The following DAB1 variants were observed in gnomAD, a reference collection of about 807,000 sequenced individuals.
DAB1 encodes DAB adaptor protein 1, also known as disabled homolog 1.
DAB1 carries 15 observed loss-of-function variants against 64.6 expected under a neutral mutation model. The observed-to-expected ratio is 0.23, with a 90% CI of 0.16 to 0.36. The LOEUF (loss-of-function observed/expected upper bound fraction) is 0.36. Ranked by LOEUF, DAB1 falls within the 10% of genes least tolerant of loss-of-function variation. The pLI, the probability that DAB1 is intolerant of heterozygous loss-of-function variation, is 1.00. For missense variants in DAB1, 596 were observed against 706.7 expected (o/e 0.84, Z 1.78); for synonymous variants, 235 against 251.9 (o/e 0.93, Z 0.64).
At chr1:58,506,055 C>A in intron 3 of DAB1, 1 of 861,728 alleles carries the variant, frequency 1.2e-6, no homozygotes, top group Non-Finnish European at 2.0e-6. Flanking sequence ...ACGGTGTCAG[C>A]TCACCTGAGG....
chr1:58,250,444 G>T (rs568785905), intron 4 of DAB1, among the ~76,000 whole-genome samples: 1 of 152,240 alleles, frequency 6.6e-6, no homozygotes, highest in Non-Finnish European at 1.5e-5. Flanking sequence ...TAGTGGCGGT[G>T]GCAGCAGAGG....
At chr1:57,945,144 C>T (rs1645165531) in intron 5 of DAB1, among the ~76,000 whole-genome samples, 1 of 152,154 alleles carries the variant, frequency 6.6e-6, no homozygotes, top group Non-Finnish European at 1.5e-5. Flanking sequence ...AACATCTATT[C>T]TCTAGCCTAA....
chr1:58,305,073 C>A (rs897000545), intron 4 of DAB1, among the ~76,000 whole-genome samples: 3 of 152,172 alleles, frequency 2.0e-5, no homozygotes, highest in Non-Finnish European at 4.4e-5. Context: ...ACACTACAGT[C>A]TTGAACTCCT....
At chr1:58,210,227 A>G (rs1658487627) in intron 4 of DAB1, among the ~76,000 whole-genome samples, 1 of 152,194 alleles carries the variant, frequency 6.6e-6, no homozygotes, top group African/African-American at 2.4e-5. Flanking sequence ...CCATAGCTGA[A>G]GTCTGTTACC....
rs566810585 is a variant in DAB1 at position 57,355,275 on chromosome 1, AC to A, written c.-136-64110del. On this transcript the variant is annotated intron_variant, in intron 1 of 14. Transcript: ENST00000371236. ...ATTAAATTCCTTTCCTTCCTGGCATACATTTTTTTTTCCATCCTTGGTTCTT... is the reference window on the plus strand; with the variant it reads ...ATTAAATTCCTTTCCTTCCTGGCATAATTTTTTTTTCCATCCTTGGTTCTT... 6.6e-3 allele frequency among the ~76,000 whole-genome samples: 984 copies of A among 149,388 alleles called. 14 individuals carry two copies. The highest frequency in any genetic ancestry group is 0.023 in the African/African-American group (937 of 40,500).
chr1:57,015,201 G>T lies in DAB1; in HGVS notation c.1126C>A (p.Pro376Thr). Residue 376 changes from proline (P) to threonine (T), a missense_variant, in exon 12 of 15, where the codon CCA becomes ACA. By Grantham distance (38) the Pro-to-Thr change is conservative. Coordinates refer to ENST00000371236, the MANE Select transcript of DAB1 (RefSeq NM_001365792.1). ...FMPTQTVMPL[P>T]AAMFQGPLTP... is the part of the protein sequence containing the mutation. ...AGGGGACCTTGGAACATGGCAGCTG[G>T]CAAAGGCATAACAGTTTGTGTGGGC... 6.2e-7 allele frequency: 1 copy of T among 1,614,062 alleles called. No homozygotes were observed. The highest frequency in any genetic ancestry group is 8.5e-7 in the Non-Finnish European group (1 of 1,179,982).
rs143800339 is a variant in DAB1 at position 57,174,681 on chromosome 1, C to T, written c.68-29252G>A. Among the ~76,000 whole-genome samples the T allele has an allele frequency of 2.1e-3, 319 of 152,268 alleles. 8 individuals carry two copies. Among genetic ancestry groups the T allele is most frequent in the Admixed American group, 0.017 (257 of 15,274 alleles). On this transcript the variant is annotated intron_variant, in intron 2 of 14. Transcript: ENST00000371236. Reference sequence around the variant, plus strand: ...TACAGGAGAAGGTCTGTTAGGCTCACCACTGCTTTGGATTGACCCCCACTC... The same window carrying T: ...TACAGGAGAAGGTCTGTTAGGCTCATCACTGCTTTGGATTGACCCCCACTC...
chr1:57,702,037 G>A (rs1211806965), intron 6 of DAB1, among the ~76,000 whole-genome samples: 2 of 152,254 alleles, frequency 1.3e-5, no homozygotes, highest in South Asian at 2.1e-4. Context: ...AGGAGGCCAT[G>A]GTTCCCTGTT....
intron 7 of DAB1, among the ~76,000 whole-genome samples, chr1:57,550,213 A>G (rs1644899305): frequency 6.6e-6 from 1 of 152,200 alleles, no homozygotes; most frequent in Admixed American, 6.5e-5. Context: ...TAGAACAAGC[A>G]TGGTACTGAG....
intron 7 of DAB1, among the ~76,000 whole-genome samples, chr1:57,608,294 G>C (rs1645682050): frequency 6.6e-6 from 1 of 152,010 alleles, no homozygotes; most frequent in African/African-American, 2.4e-5. Context: ...TGAAAAGTAA[G>C]ATCACCTCCA....
At chr1:57,541,732 T>A in intron 7 of DAB1, among the ~76,000 whole-genome samples, 1 of 152,158 alleles carries the variant, frequency 6.6e-6, no homozygotes, top group East Asian at 1.9e-4. Context: ...AACAAGGTAA[T>A]GAACATTTGT....
chr1:57,819,507 G>A (rs926431232), intron 6 of DAB1, among the ~76,000 whole-genome samples: 4 of 152,182 alleles, frequency 2.6e-5, no homozygotes, highest in African/African-American at 9.7e-5. Flanking sequence ...ATAAACTAAT[G>A]ATAGTAGCTA....
intron 4 of DAB1, among the ~76,000 whole-genome samples, chr1:58,180,281 C>CTTTTTTTTTTTT (rs869204611): frequency 2.3e-4 from 14 of 61,034 alleles, no homozygotes; most frequent in African/African-American, 5.7e-4. Flanking sequence ...TTTTTCTTTT[C>CTTTTTTTTTTTT]TTTTTTTTTT....
intron 2 of DAB1, among the ~76,000 whole-genome samples, chr1:58,519,736 T>A (rs1367815225): frequency 6.6e-6 from 1 of 151,840 alleles, no homozygotes; most frequent in Admixed American, 6.6e-5. Context: ...TTAAGAAACA[T>A]GAATTTTTAA....
intron 4 of DAB1, among the ~76,000 whole-genome samples, chr1:57,108,432 C>T (rs1324174478): frequency 1.3e-5 from 2 of 152,180 alleles, no homozygotes; most frequent in African/African-American, 2.4e-5. Context: ...TAGGATGTTA[C>T]CCTGCACGTC....
At chr1:57,339,071 G>C (rs1395884601) in intron 1 of DAB1, among the ~76,000 whole-genome samples, 1 of 151,846 alleles carries the variant, frequency 6.6e-6, no homozygotes, top group East Asian at 1.9e-4. Flanking sequence ...CTCAGGACAT[G>C]TCTGTTACTG....
At chr1:58,166,355 T>C (rs1461468650) in intron 4 of DAB1, among the ~76,000 whole-genome samples, 3 of 152,194 alleles carry the variant, frequency 2.0e-5, no homozygotes, top group Non-Finnish European at 2.9e-5. Flanking sequence ...ACCACTAATC[T>C]ACCTTCTGTC....
chr1:57,271,572 C>T (rs1671003341), intron 2 of DAB1, among the ~76,000 whole-genome samples: 1 of 152,136 alleles, frequency 6.6e-6, no homozygotes. Context: ...GGTTCCCATC[C>T]CTGCCCTCAG....
chr1:57,412,458 C>T (rs1684184239), intron 1 of DAB1, among the ~76,000 whole-genome samples: 1 of 152,200 alleles, frequency 6.6e-6, no homozygotes, highest in South Asian at 2.1e-4. Flanking sequence ...AGGAAAAGAT[C>T]TCAACCCACT....
Sources: allele counts gnomAD v4.1 joint callset (sites outside exome capture counted in the v4.1 genomes callset), GRCh38; gene constraint gnomAD v4.1.1; transcripts MANE v1.5; gene names NCBI Gene and HGNC (gene_info 2026-07-23, HGNC 2026-07-21).